SLC1A2: variants seen among roughly 807,000 people sequenced by gnomAD.
SLC1A2 encodes the protein excitatory amino acid transporter 2.
SLC1A2 carries 15 observed loss-of-function variants against 48.8 expected under a neutral mutation model. The observed-to-expected ratio is 0.31, with a 90% CI of 0.21 to 0.47. SLC1A2 has a LOEUF of 0.47. Among genes scored for constraint, SLC1A2 ranks in the 20% least tolerant of loss-of-function variants. The pLI, the probability that SLC1A2 is intolerant of heterozygous loss-of-function variation, is 0.99. For synonymous variants in SLC1A2, 279 were observed against 272.6 expected, an observed-to-expected ratio of 1.02 and a Z score of -0.23; for missense variants, 502 against 730.5, an observed-to-expected ratio of 0.69 and a Z score of 3.61.
intron 1 of SLC1A2, among the ~76,000 whole-genome samples, chr11:35,390,402 AT>A (rs1007834304): frequency 9.2e-5 from 14 of 151,866 alleles, no homozygotes; most frequent in African/African-American, 2.2e-4. Flanking sequence ...TTAAAATTTG[AT>A]TTTTTTTAAG....
chr11:35,336,243 A>G (rs1157640931), intron 1 of SLC1A2, among the ~76,000 whole-genome samples: 1 of 152,212 alleles, frequency 6.6e-6, no homozygotes, highest in South Asian at 2.1e-4. Context: ...TGATGGGTTG[A>G]TAAGTGCAAC....
intron 1 of SLC1A2, among the ~76,000 whole-genome samples, chr11:35,368,155 C>A (rs983064991): frequency 1.3e-5 from 2 of 152,100 alleles, no homozygotes; most frequent in African/African-American, 4.8e-5. Flanking sequence ...ATCAATGCAC[C>A]CCCAATCATC....
At chr11:35,389,735 G>C (rs574844751) in intron 1 of SLC1A2, among the ~76,000 whole-genome samples, 12 of 152,238 alleles carry the variant, frequency 7.9e-5, no homozygotes, top group Non-Finnish European at 1.8e-4. Flanking sequence ...CTCCCAAAGT[G>C]CTGAGATTAC....
intron 1 of SLC1A2, among the ~76,000 whole-genome samples, chr11:35,345,734 CA>C (rs750655098): frequency 1.3e-5 from 2 of 152,162 alleles, no homozygotes; most frequent in Non-Finnish European, 2.9e-5. Flanking sequence ...AATAGTTTTA[CA>C]ATATATTTTC....
At chr11:35,354,287 A>G (rs1188718933) in intron 1 of SLC1A2, among the ~76,000 whole-genome samples, 1 of 151,950 alleles carries the variant, frequency 6.6e-6, no homozygotes, top group Non-Finnish European at 1.5e-5. Context: ...CCCCGTGTCT[A>G]CAAAAAAAAA....
chr11:35,343,353 T>C (rs868072760), intron 1 of SLC1A2, among the ~76,000 whole-genome samples: 16 of 152,180 alleles, frequency 1.1e-4, no homozygotes, highest in Admixed American at 5.2e-4. Flanking sequence ...ACCAGCACCA[T>C]GACAGTTCCG....
intron 1 of SLC1A2, among the ~76,000 whole-genome samples, chr11:35,333,148 C>T (rs1272981668): frequency 6.6e-6 from 1 of 152,174 alleles, no homozygotes; most frequent in Admixed American, 6.6e-5. Flanking sequence ...CACAGTGGCT[C>T]ACACCTGTAA....
intron 1 of SLC1A2, chr11:35,374,557 C>G: frequency 5.2e-6 from 1 of 193,432 alleles, no homozygotes; most frequent in Admixed American, 5.6e-5. Context: ...AATACACTAA[C>G]ACTAATGATA....
chr11:35,286,786 G>T lies in SLC1A2; in HGVS notation c.1257C>A (p.Val419=), dbSNP rs752921965. The change falls in exon 8 of 11, where the codon GTC becomes GTA. Residue 419 remains valine, a synonymous_variant. Transcript: ENST00000278379. The part of the protein sequence containing the change: ...AIFIAQMNGV[V]LDGGQIVTVS... ...CAGTCACAATCTGTCCTCCATCCAG[G>T]ACAACACCATTCATTTGGGCTATAA... 4 of 1,613,588 alleles carry T rather than the reference G, an allele frequency of 2.5e-6. No homozygotes were observed. The highest frequency in any genetic ancestry group is 1.1e-5 in the South Asian group (1 of 91,056).
intron 4 of SLC1A2, among the ~76,000 whole-genome samples, chr11:35,311,893 G>GAGAGA (rs1565233363): frequency 2.9e-5 from 2 of 69,242 alleles, no homozygotes; most frequent in Non-Finnish European, 5.3e-5. Flanking sequence ...AGAGAGAGAG[G>GAGAGA]GAGGGAGAGA....
At chr11:35,420,076 C>A (rs1203419153), upstream of SLC1A2, 7 of 315,472 alleles carry the variant, frequency 2.2e-5, no homozygotes, top group South Asian at 1.5e-4. Context: ...AATTATTCAG[C>A]GAGATTAATA....
At position 35,418,857 on chromosome 11, in the gene SLC1A2, C is replaced by T. The variant is rs552307559; in HGVS notation, c.17+93G>A. The T allele has an allele frequency of 1.1e-3, 1,395 of 1,215,274 alleles. 14 individuals are homozygous for T. In the African/African-American group the frequency reaches 0.018, roughly 16 times the overall value. 75.3% of individuals were successfully genotyped at this position (1,215,274 alleles called of 1,614,324 possible). A position where few individuals can be genotyped will look rare whatever the true frequency, so the allele number is the denominator to read the frequency against. The stretch of plus-strand genomic sequence containing the variant: ...CTCCGCCACCACCTCCGAGGCCCGC[C>T]GCCGCCGCCTCTCTATCCGCATCCC... On this transcript the variant is annotated intron_variant, in intron 1 of 10. Transcript: ENST00000278379.
Position 35,255,191 on chromosome 11 carries a change from A to T in SLC1A2, c.*5703T>A, listed in dbSNP as rs929004288. ...TACCAACACTACTCTATTTAGCAGA[A>T]GTTTGGACAAACAGCAGAGGTGTCC... is the stretch of plus-strand genomic sequence containing the variant. On this transcript the variant is annotated 3_prime_UTR_variant, in exon 11 of 11. Coordinates refer to ENST00000278379, the MANE Select transcript of SLC1A2 (RefSeq NM_004171.4). 4.9e-5 allele frequency: 10 copies of T among 203,778 alleles called. No individual in the cohort carries two copies. The highest frequency in any genetic ancestry group is 9.1e-5 in the Non-Finnish European group (9 of 99,202). 12.6% of individuals were successfully genotyped at this position (203,778 alleles called of 1,614,324 possible).
intron 3 of SLC1A2, among the ~76,000 whole-genome samples, chr11:35,314,676 G>A (rs763663502): frequency 1.7e-4 from 26 of 149,030 alleles, no homozygotes; most frequent in Non-Finnish European, 3.5e-4. Flanking sequence ...TTGCACCACC[G>A]CACTCCAGCA....
chr11:35,329,903 T>C (rs761163210), intron 1 of SLC1A2, among the ~76,000 whole-genome samples: 26 of 152,302 alleles, frequency 1.7e-4, no homozygotes, highest in Non-Finnish European at 2.5e-4. Context: ...ACTGGATGCT[T>C]TACATGCATT....
intron 1 of SLC1A2, among the ~76,000 whole-genome samples, chr11:35,417,821 A>T (rs1166145659): frequency 6.6e-6 from 1 of 152,200 alleles, no homozygotes; most frequent in Non-Finnish European, 1.5e-5. Flanking sequence ...TGCAGTCTAG[A>T]GATCTGGCTT....
In SLC1A2 at chr11:35,394,364, G is replaced by A. The variant is rs192871594; in HGVS notation, c.17+24586C>T. ...ATTGCTCTGGGTGGCTGTGATGTTG[G>A]TGTCCACAGATGGGGGGACACACCA... is the stretch of plus-strand genomic sequence containing the variant. On this transcript the variant is annotated intron_variant, in intron 1 of 10. Coordinates refer to ENST00000278379, the MANE Select transcript of SLC1A2 (RefSeq NM_004171.4). Among the ~76,000 whole-genome samples the A allele has an allele frequency of 2.4e-3, 366 of 152,172 alleles. 1 individual carries two copies. Among genetic ancestry groups the A allele is most frequent in the African/African-American group, 8.1e-3 (335 of 41,502 alleles).
At chr11:35,402,964 T>C (rs966978801) in intron 1 of SLC1A2, among the ~76,000 whole-genome samples, 2 of 152,254 alleles carry the variant, frequency 1.3e-5, no homozygotes, top group Non-Finnish European at 2.9e-5. Flanking sequence ...TGGAAAAGAA[T>C]TAGCAAACAT....
upstream of SLC1A2, among the ~76,000 whole-genome samples, chr11:35,420,362 T>G (rs540118558): frequency 5.9e-5 from 9 of 152,110 alleles, no homozygotes; most frequent in Admixed American, 5.9e-4. Context: ...ACGAGACCTG[T>G]GCAGCTTTGA....
Sources: gnomAD v4.1 joint callset for allele counts (sites outside exome capture counted in the v4.1 genomes callset) on GRCh38, gnomAD v4.1.1 for gene constraint, MANE v1.5 for transcripts, NCBI Gene and HGNC (gene_info 2026-07-23, HGNC 2026-07-21) for gene names.